Variants in CLIP4 observed in about 807,000 individuals in gnomAD.
CLIP4 encodes the protein CAP-Gly domain containing linker protein family member 4.
In CLIP4, 47 loss-of-function variants were observed where a neutral mutation model predicts 73.1. The observed-to-expected ratio is 0.64, with a 90% confidence interval of 0.51 to 0.82. CLIP4 has a LOEUF of 0.82. CLIP4 is among the 40% of genes least tolerant of loss of function. CLIP4 has a pLI of 0.00. For missense variants in CLIP4, 874 were observed against 852.9 expected, an observed-to-expected ratio of 1.02 and a Z score of -0.31; for synonymous variants, 306 against 295.4, an observed-to-expected ratio of 1.04 and a Z score of -0.37.
intron 1 of CLIP4, among the ~76,000 whole-genome samples, chr2:29,119,486 T>C (rs565061595): frequency 6.6e-6 from 1 of 152,332 alleles, no homozygotes; most frequent in South Asian, 2.1e-4. Flanking sequence ...CTGAATCTTT[T>C]TGCTGAAGAA....
chr2:29,182,225 T>G lies in CLIP4; in HGVS notation c.*332T>G, dbSNP rs1430406280. On this transcript the variant is annotated 3_prime_UTR_variant, in exon 16 of 16. Coordinates refer to ENST00000320081, the MANE Select transcript of CLIP4 (RefSeq NM_024692.6). ...TTTTGTTTTTGCACATCATAATGGA[T>G]TTTTCTTAGTGCCCTAATTGTGAAG... The G allele has an allele frequency of 5.7e-6, 1 of 176,786 alleles. No homozygotes were observed. Among genetic ancestry groups the G allele is most frequent in the African/African-American group, 2.4e-5 (1 of 42,380 alleles). The allele number at this position is 176,786 out of a possible 1,614,324, so 11.0% of individuals were successfully genotyped here.
In CLIP4 at chr2:29,181,964, A is replaced by C. The variant is rs547777172; in HGVS notation, c.*71A>C. The C allele has an allele frequency of 1.8e-4, 240 of 1,304,592 alleles. No homozygotes were observed. Among genetic ancestry groups the C allele is most frequent in the Non-Finnish European group, 2.3e-4 (223 of 955,636 alleles). 80.8% of individuals were successfully genotyped at this position (1,304,592 alleles called of 1,614,324 possible). On this transcript the variant is annotated 3_prime_UTR_variant, in exon 16 of 16. Coordinates refer to ENST00000320081, the MANE Select transcript of CLIP4 (RefSeq NM_024692.6). Reference sequence around the variant, plus strand: ...ATAAAGAGTCCATGGTAAATGGTTTACTTTATTTAGCCATATTAAAATTTT... The same window carrying C: ...ATAAAGAGTCCATGGTAAATGGTTTCCTTTATTTAGCCATATTAAAATTTT...
chr2:29,119,178 T>C (rs1664085234), intron 1 of CLIP4, among the ~76,000 whole-genome samples: 1 of 152,230 alleles, frequency 6.6e-6, no homozygotes, highest in Non-Finnish European at 1.5e-5. Context: ...CTTCTGGACT[T>C]GAAGTATCTA....
intron 1 of CLIP4, among the ~76,000 whole-genome samples, chr2:29,101,991 G>A (rs1668064372): frequency 6.6e-6 from 1 of 152,170 alleles, no homozygotes; most frequent in Non-Finnish European, 1.5e-5. Flanking sequence ...AAACAGCTTA[G>A]GAGGTCATAA....
chr2:29,113,339 G>A (rs1668429466), upstream of CLIP4, among the ~76,000 whole-genome samples: 1 of 152,100 alleles, frequency 6.6e-6, no homozygotes, highest in African/African-American at 2.4e-5. The surrounding 1 kb of genome is among the most constrained non-coding windows in gnomAD (Gnocchi z 4.0). Context: ...AGCTACAGTT[G>A]GTCCACATCC....
intron 11 of CLIP4, among the ~76,000 whole-genome samples, chr2:29,159,500 T>A (rs1364273013): frequency 6.6e-6 from 1 of 152,096 alleles, no homozygotes; most frequent in Non-Finnish European, 1.5e-5. Context: ...TTGTTCTTAA[T>A]AACAAAATCA....
exon 1 of CLIP4, chr2:29,097,738 C>T (rs1426339507): frequency 6.6e-6 from 1 of 152,250 alleles, no homozygotes; most frequent in African/African-American, 2.4e-5. Context: ...AAGGAGGACT[C>T]TAAGGGAGGC....
chr2:29,116,804 A>AT (rs1406571746), intron 1 of CLIP4, among the ~76,000 whole-genome samples: 1 of 152,210 alleles, frequency 6.6e-6, no homozygotes, highest in East Asian at 1.9e-4. Context: ...TTTGTAGAAG[A>AT]TTTAGCCCAT....
At chr2:29,161,542 T>A (rs1667292485) in intron 12 of CLIP4, among the ~76,000 whole-genome samples, 1 of 152,180 alleles carries the variant, frequency 6.6e-6, no homozygotes, top group Non-Finnish European at 1.5e-5. Context: ...GAAGATACTG[T>A]GAGTACTAGA....
intron 2 of CLIP4, 125 bp downstream of exon 2, chr2:29,121,646 C>A: frequency 8.8e-7 from 1 of 1,132,220 alleles, no homozygotes. Flanking sequence ...CTAAAGTTTT[C>A]CTTTTTCAAA....
At chr2:29,164,879 G>A (rs1667506049) in intron 13 of CLIP4, among the ~76,000 whole-genome samples, 1 of 152,000 alleles carries the variant, frequency 6.6e-6, no homozygotes, top group Non-Finnish European at 1.5e-5. Flanking sequence ...CATATTTATG[G>A]TGATAACAGA....
chr2:29,164,277 C>CT (rs1422366051), intron 13 of CLIP4, among the ~76,000 whole-genome samples: 4 of 152,204 alleles, frequency 2.6e-5, no homozygotes, highest in Non-Finnish European at 4.4e-5. Context: ...AAAATGCTCT[C>CT]TGATTGCTTC....
intron 11 of CLIP4, among the ~76,000 whole-genome samples, chr2:29,159,833 A>G (rs1485915069): frequency 1.3e-5 from 2 of 152,160 alleles, no homozygotes; most frequent in Non-Finnish European, 1.5e-5. Flanking sequence ...CTGACCTACC[A>G]CTTGTTTTTG....
chr2:29,133,903 T>C, intron 5 of CLIP4, 87 bp downstream of exon 5: 1 of 1,203,728 alleles, frequency 8.3e-7, no homozygotes, highest in Non-Finnish European at 1.1e-6. Context: ...TATTTTTTCC[T>C]TCTAATCCAT....
intron 7 of CLIP4, among the ~76,000 whole-genome samples, 192 bp from the exon 8 acceptor site, chr2:29,145,040 G>T (rs1234503896): frequency 6.6e-6 from 1 of 151,710 alleles, no homozygotes; most frequent in Non-Finnish European, 1.5e-5. Flanking sequence ...CCTTGGTAAT[G>T]TTCCTGGCTC....
chr2:29,148,274 C>A (rs1410505724), intron 8 of CLIP4, among the ~76,000 whole-genome samples: 1 of 152,210 alleles, frequency 6.6e-6, no homozygotes, highest in African/African-American at 2.4e-5. Flanking sequence ...AATTTCTCAA[C>A]AATGGTTTTC....
At position 29,130,706 on chromosome 2, in the gene CLIP4, T is replaced by G. The variant is rs183452083; in HGVS notation, c.134-552T>G. On this transcript the variant is annotated intron_variant, in intron 2 of 15. Coordinates refer to ENST00000320081, the MANE Select transcript of CLIP4 (RefSeq NM_024692.6). ...ATTCTCTTCTGATGGACTGCTGCTC[T>G]GCTTGTATATGTGTCTTTAGTTTGG... 9.2e-4 allele frequency: 1,096 copies of G among 1,188,968 alleles called. 13 individuals are homozygous for G. The African/African-American group carries it at 0.017, about 18-fold the overall frequency. 73.7% of individuals were successfully genotyped at this position (1,188,968 alleles called of 1,614,324 possible).
At chr2:29,160,875 CT>C (rs1274008207) in intron 12 of CLIP4, among the ~76,000 whole-genome samples, 2 of 152,132 alleles carry the variant, frequency 1.3e-5, no homozygotes, top group Non-Finnish European at 2.9e-5. Context: ...CACAAAAGGG[CT>C]CAAAATACAT....
At chr2:29,103,650 G>T (rs889775571) in intron 1 of CLIP4, among the ~76,000 whole-genome samples, 1 of 151,186 alleles carries the variant, frequency 6.6e-6, no homozygotes, top group Non-Finnish European at 1.5e-5. Context: ...TGATCTGTCT[G>T]TAGGGTGACC....
Sources: gnomAD v4.1 joint callset for allele counts (sites outside exome capture counted in the v4.1 genomes callset) on GRCh38, gnomAD v4.1.1 for gene constraint, Gnocchi (gnomAD v3.1) non-coding constraint, MANE v1.5 for transcripts, NCBI Gene and HGNC (gene_info 2026-07-23, HGNC 2026-07-21) for gene names.